ITGB3BP: variants seen among roughly 807,000 people sequenced by gnomAD.
ITGB3BP encodes centromere protein R.
Under a neutral mutation model 29.1 loss-of-function variants are expected in ITGB3BP, and 27 were observed. The ratio of observed to expected loss-of-function variants is 0.93; its 90% confidence interval spans 0.68 to 1.28. ITGB3BP has a LOEUF of 1.28. Among genes scored for constraint, ITGB3BP ranks in the 50% most tolerant of loss-of-function variants. The pLI is 0.00. For missense variants in ITGB3BP, 192 were observed against 200.2 expected (o/e 0.96, Z 0.25); for synonymous variants, 61 against 61.4 (o/e 0.99, Z 0.03).
chr1:63,469,705 T>C (rs746979690), intron 4 of ITGB3BP, among the ~76,000 whole-genome samples: 5 of 152,190 alleles, frequency 3.3e-5, no homozygotes, highest in Non-Finnish European at 5.9e-5. Context: ...GTTTGGAAAA[T>C]GTCCCAGGCA....
intron 4 of ITGB3BP, among the ~76,000 whole-genome samples, chr1:63,464,046 C>A (rs1168000600): frequency 6.6e-6 from 1 of 152,032 alleles, no homozygotes; most frequent in Non-Finnish European, 1.5e-5. Context: ...TGGTTACCCA[C>A]AAGAAATAGG....
chr1:63,525,558 T>G (rs751790491), upstream of ITGB3BP: 8 of 1,465,790 alleles, frequency 5.5e-6, no homozygotes, highest in Non-Finnish European at 7.2e-6. Context: ...CATTTTTAAA[T>G]TATTTTCCAA....
At chr1:63,484,764 T>C (rs1645496590) in intron 3 of ITGB3BP, among the ~76,000 whole-genome samples, 1 of 152,102 alleles carries the variant, frequency 6.6e-6, no homozygotes, top group Non-Finnish European at 1.5e-5. Flanking sequence ...ACAACTTGTC[T>C]ATGTCCTTCC....
intron 8 of ITGB3BP, among the ~76,000 whole-genome samples, chr1:63,443,451 G>A (rs1354807777): frequency 6.6e-6 from 1 of 152,132 alleles, no homozygotes; most frequent in African/African-American, 2.4e-5. Flanking sequence ...TTCTGGGGAA[G>A]GTGTCTGAGA....
At chr1:63,500,406 T>G (rs993666250) in intron 2 of ITGB3BP, among the ~76,000 whole-genome samples, 2 of 152,024 alleles carry the variant, frequency 1.3e-5, no homozygotes, top group African/African-American at 4.8e-5. Context: ...AATCTCCAAA[T>G]TATTAATGCT....
chr1:63,448,624 CT>C (rs1453051508), intron 7 of ITGB3BP, among the ~76,000 whole-genome samples: 1 of 151,714 alleles, frequency 6.6e-6, no homozygotes, highest in Non-Finnish European at 1.5e-5. Flanking sequence ...TTTTGTGGGG[CT>C]TTTTTGACTA....
chr1:63,453,116 T>C (rs140406223), intron 7 of ITGB3BP, among the ~76,000 whole-genome samples: 307 of 152,328 alleles, frequency 2.0e-3, no homozygotes, highest in African/African-American at 7.2e-3. Flanking sequence ...TTTTTGTGTC[T>C]TCGTTCCTTG....
Position 63,483,091 on chromosome 1 carries a change from T to C in ITGB3BP, c.185-4258A>G, listed in dbSNP as rs185767294. Among the ~76,000 whole-genome samples the C allele has an allele frequency of 3.5e-3, 531 of 152,324 alleles. 3 individuals carry two copies. The highest frequency in any genetic ancestry group is 0.011 in the African/African-American group (471 of 41,582). ...AGAAAATTGAAATCACTTTTTAATC[T>C]ACTAAAACAGTAATATTTGGGAAGC... On this transcript the variant is annotated intron_variant, in intron 3 of 8. Transcript: ENST00000271002.
chr1:63,507,519 A>C (rs1425785705), intron 2 of ITGB3BP, among the ~76,000 whole-genome samples: 1 of 152,208 alleles, frequency 6.6e-6, no homozygotes. Flanking sequence ...AAGCTGGACT[A>C]CTCATCTACC....
chr1:63,510,674 T>A (rs539751297), intron 1 of ITGB3BP, among the ~76,000 whole-genome samples: 1 of 152,300 alleles, frequency 6.6e-6, no homozygotes, highest in South Asian at 2.1e-4. Context: ...GAAAACAGTT[T>A]GTGCAACTTG....
chr1:63,444,632 G>GATATATATATATCTCCTATTACA (rs1361811627), intron 8 of ITGB3BP, among the ~76,000 whole-genome samples: 1 of 105,452 alleles, frequency 9.5e-6, no homozygotes. Flanking sequence ...ACATATAGGA[G>GATATATATATATCTCCTATTACA]ATATATATAT....
intron 4 of ITGB3BP, among the ~76,000 whole-genome samples, chr1:63,468,409 G>A (rs903691383): frequency 3.3e-5 from 5 of 152,176 alleles, no homozygotes; most frequent in Non-Finnish European, 5.9e-5. Flanking sequence ...AAACCATAGT[G>A]TCAGTTACTC....
chr1:63,443,835 G>T (rs557900117), intron 8 of ITGB3BP, among the ~76,000 whole-genome samples: 22 of 151,968 alleles, frequency 1.4e-4, no homozygotes, highest in African/African-American at 5.1e-4. Flanking sequence ...CCCTAGAAAG[G>T]TAGAAGAAAA....
At chr1:63,512,355 C>T (rs1646217955) in intron 1 of ITGB3BP, among the ~76,000 whole-genome samples, 1 of 151,808 alleles carries the variant, frequency 6.6e-6, no homozygotes. Flanking sequence ...AGTTTTATTA[C>T]ACAATGTTAT....
intron 7 of ITGB3BP, among the ~76,000 whole-genome samples, chr1:63,450,369 T>G (rs1163232380): frequency 6.6e-6 from 1 of 151,966 alleles, no homozygotes; most frequent in East Asian, 1.9e-4. Context: ...TTGCTTACAT[T>G]CTTTTCAAAA....
At chr1:63,509,955 G>A (rs1646161765) in intron 1 of ITGB3BP, 1 of 401,120 alleles carries the variant, frequency 2.5e-6, no homozygotes. Flanking sequence ...TACTTTGGAA[G>A]GCTGAGGTGG....
At position 63,454,953 on chromosome 1, in the gene ITGB3BP, TAG is replaced by T. The variant is rs765728561; in HGVS notation, c.268_269del (p.Leu90IlefsTer4). 6.5e-7 allele frequency: 1 copy of T among 1,537,348 alleles called. No homozygotes were observed. The highest frequency in any genetic ancestry group is 1.4e-5 in the African/African-American group (1 of 73,342). On this transcript the variant is annotated frameshift_variant, in exon 5 of 9. Transcript: ENST00000271002. LOFTEE classifies it high-confidence loss of function. This position sits in a 1 kb window ranked among gnomAD's most constrained non-coding sequence, Gnocchi z 4.1. ...TKDNDEFMML[L>X]SKVEKLSEEI... ...CTTCTGACAATTTCTCAACTTTTGA[TAG>T]CAACATCATGAATCTAGTAATAAAG... is the stretch of plus-strand genomic sequence containing the variant.
At chr1:63,470,763 G>A (rs996879327) in intron 4 of ITGB3BP, among the ~76,000 whole-genome samples, 2 of 151,710 alleles carry the variant, frequency 1.3e-5, no homozygotes, top group Admixed American at 6.5e-5. Context: ...CTTCTGTTGG[G>A]TATATACCCT....
At chr1:63,468,854 TC>T (rs1391581909) in intron 4 of ITGB3BP, among the ~76,000 whole-genome samples, 1 of 137,062 alleles carries the variant, frequency 7.3e-6, no homozygotes, top group African/African-American at 2.8e-5. Context: ...AGAGCAAAAC[TC>T]TGTCTCAAAA....
Sources: allele counts gnomAD v4.1 joint callset (sites outside exome capture counted in the v4.1 genomes callset), GRCh38; gene constraint gnomAD v4.1.1; non-coding constraint Gnocchi (gnomAD v3.1); transcripts MANE v1.5; gene names NCBI Gene and HGNC (gene_info 2026-07-23, HGNC 2026-07-21).